LYST: variants seen among roughly 807,000 people sequenced by gnomAD.
The protein encoded by LYST is lysosomal trafficking regulator.
In LYST, 192 loss-of-function variants were observed where a neutral mutation model predicts 413.6. The ratio of observed to expected loss-of-function variants is 0.46; its 90% CI spans 0.41 to 0.52. The LOEUF (loss-of-function observed/expected upper bound fraction) is 0.52. Ranked by LOEUF, LYST falls within the 20% of genes least tolerant of loss-of-function variation. The probability of loss-of-function intolerance (pLI) is 0.00; values close to 1 mark genes in which losing one functional copy is unlikely to be tolerated. For missense variants in LYST, 3,815 were observed against 4,499.9 expected, an observed-to-expected ratio of 0.85 and a Z score of 4.35; for synonymous variants, 1,525 against 1,567.3, an observed-to-expected ratio of 0.97 and a Z score of 0.64.
chr1:235,701,645 T>C (rs1175731706), intron 45 of LYST, among the ~76,000 whole-genome samples: 2 of 152,022 alleles, frequency 1.3e-5, no homozygotes, highest in African/African-American at 4.8e-5. Context: ...AATCAATCAA[T>C]CAATCAAGTG....
intron 3 of LYST, among the ~76,000 whole-genome samples, chr1:235,818,938 C>G (rs1214520594): frequency 1.3e-5 from 2 of 152,226 alleles, no homozygotes. Flanking sequence ...GACCCAGCAA[C>G]ACCTCTTCTG....
intron 21 of LYST, among the ~76,000 whole-genome samples, chr1:235,763,576 G>A (rs1450469211): frequency 3.3e-5 from 5 of 151,906 alleles, no homozygotes; most frequent in South Asian, 2.1e-4. Flanking sequence ...TCAGCCTCCC[G>A]AGTAGCTGGG....
At chr1:235,759,652 C>A (rs2103355048) in intron 22 of LYST, 53 bp from the exon 23 acceptor site, 2 of 1,339,320 alleles carry the variant, frequency 1.5e-6, no homozygotes, top group Non-Finnish European at 1.1e-6. Flanking sequence ...AGTGGAACCA[C>A]CTCTCTTTTG....
chr1:235,832,946 C>A (rs141857854), intron 2 of LYST, among the ~76,000 whole-genome samples: 53 of 152,138 alleles, frequency 3.5e-4, no homozygotes, highest in African/African-American at 1.2e-3. Flanking sequence ...AAGTGGATTT[C>A]TTTTGATATA....
chr1:235,762,574 A>C (rs929701495), intron 22 of LYST, 146 bp downstream of exon 22: 1 of 745,260 alleles, frequency 1.3e-6, no homozygotes, highest in East Asian at 2.8e-5. Flanking sequence ...CATTTTCTCA[A>C]TGCTCTTGAG....
At chr1:235,783,401 A>G (rs1240828325) in intron 14 of LYST, among the ~76,000 whole-genome samples, 1 of 152,160 alleles carries the variant, frequency 6.6e-6, no homozygotes, top group Admixed American at 6.6e-5. Context: ...ATAGTTTTAA[A>G]TTTTTTATTT....
chr1:235,882,980 C>T (rs1285800871), intron 1 of LYST, among the ~76,000 whole-genome samples: 1 of 152,172 alleles, frequency 6.6e-6, no homozygotes, highest in African/African-American at 2.4e-5. Context: ...AAATACTCTT[C>T]CCTGCGGTTT....
chr1:235,832,002 T>TCA (rs1368917971), intron 2 of LYST, among the ~76,000 whole-genome samples: 5 of 152,204 alleles, frequency 3.3e-5, no homozygotes, highest in Non-Finnish European at 4.4e-5. Flanking sequence ...TTCTGGGCCA[T>TCA]CAAGACCATT....
intron 10 of LYST, among the ~76,000 whole-genome samples, chr1:235,798,914 T>C (rs902933655): frequency 6.6e-6 from 1 of 152,118 alleles, no homozygotes; most frequent in Non-Finnish European, 1.5e-5. Flanking sequence ...TAAAATTAAT[T>C]GTGGTCATGG....
At chr1:235,867,478 GA>G (rs1361140823), upstream of LYST, among the ~76,000 whole-genome samples, 1 of 152,172 alleles carries the variant, frequency 6.6e-6, no homozygotes, top group Admixed American at 6.5e-5. Flanking sequence ...CTTCTTTCAA[GA>G]AACAAAAAGA....
intron 20 of LYST, among the ~76,000 whole-genome samples, chr1:235,768,948 A>G (rs925740210): frequency 6.6e-6 from 1 of 152,096 alleles, no homozygotes; most frequent in Non-Finnish European, 1.5e-5. Context: ...GTGTTTTTGG[A>G]ATTCATTCAT....
chr1:235,783,184 A>C (rs1670043172), intron 14 of LYST, among the ~76,000 whole-genome samples: 1 of 152,328 alleles, frequency 6.6e-6, no homozygotes, highest in Middle Eastern at 3.4e-3. Context: ...GTAGCTCTTA[A>C]TGAGAAATTC....
intron 25 of LYST, 93 bp from the exon 26 acceptor site, chr1:235,753,367 T>G: frequency 1.2e-6 from 1 of 822,062 alleles, no homozygotes; most frequent in Non-Finnish European, 2.1e-6. Context: ...TAACTTGATT[T>G]TGAAGTCATA....
At chr1:235,728,381 G>A (rs1558158796) in intron 37 of LYST, among the ~76,000 whole-genome samples, 1 of 152,042 alleles carries the variant, frequency 6.6e-6, no homozygotes, top group Non-Finnish European at 1.5e-5. Context: ...GAGCTACTAT[G>A]GAAATTAAAT....
chr1:235,871,129 A>G (rs925712201), upstream of LYST, among the ~76,000 whole-genome samples: 1 of 152,226 alleles, frequency 6.6e-6, no homozygotes, highest in Non-Finnish European at 1.5e-5. Context: ...GCCACCTTGA[A>G]ACTTTATTGA....
chr1:235,766,297 T>C lies in LYST; in HGVS notation c.5923-20A>G. On this transcript the variant is annotated intron_variant, in intron 20 of 52. Transcript: ENST00000389793. ...GTATTCCTGAAAAAATAAAAAAAAC[T>C]CTCTTTAGATTTAAAGAATTGTCAA... is the stretch of plus-strand genomic sequence containing the variant. 6.5e-7 allele frequency: 1 copy of C among 1,549,184 alleles called. No homozygotes were observed. The highest frequency in any genetic ancestry group is 1.2e-5 in the South Asian group (1 of 85,898).
At chr1:235,685,285 C>A (rs575816514) in intron 48 of LYST, among the ~76,000 whole-genome samples, 106 of 152,206 alleles carry the variant, frequency 7.0e-4, no homozygotes, top group South Asian at 2.7e-3. Flanking sequence ...GGCTCCTTAA[C>A]CTGCCCTTCT....
intron 48 of LYST, among the ~76,000 whole-genome samples, chr1:235,681,228 A>G (rs1571983592): frequency 1.3e-5 from 2 of 152,324 alleles, no homozygotes; most frequent in Non-Finnish European, 2.9e-5. Flanking sequence ...ATGGCTGTCA[A>G]AGGGCACTCT....
upstream of LYST, among the ~76,000 whole-genome samples, chr1:235,868,219 T>G (rs1293491943): frequency 6.6e-6 from 1 of 152,100 alleles, no homozygotes; most frequent in African/African-American, 2.4e-5. Context: ...TCGCCCAGGC[T>G]GGAGGGCAGT....
Sources: gnomAD v4.1 joint callset for allele counts (sites outside exome capture counted in the v4.1 genomes callset) on GRCh38, gnomAD v4.1.1 for gene constraint, MANE v1.5 for transcripts, NCBI Gene and HGNC (gene_info 2026-07-23, HGNC 2026-07-21) for gene names.